The following ZC3H4 variants were observed in gnomAD, a reference collection of about 807,000 sequenced individuals.
ZC3H4 encodes the protein zinc finger CCCH domain-containing protein 4.
A neutral mutation model predicts 108.3 loss-of-function variants in ZC3H4; 13 were observed. That is an observed-to-expected ratio of 0.12 (90% CI 0.08 to 0.19). The LOEUF (loss-of-function observed/expected upper bound fraction) is 0.19. Among genes scored for constraint, ZC3H4 ranks in the 10% least tolerant of loss-of-function variants. The pLI is 1.00. For synonymous variants in ZC3H4, 917 were observed against 749.6 expected, an observed-to-expected ratio of 1.22 and a Z score of -3.65; for missense variants, 1,734 against 1,838.8, an observed-to-expected ratio of 0.94 and a Z score of 1.04.
intron 2 of ZC3H4, among the ~76,000 whole-genome samples, chr19:47,098,870 C>T (rs1372184375): frequency 6.6e-6 from 1 of 152,210 alleles, no homozygotes; most frequent in Non-Finnish European, 1.5e-5. Flanking sequence ...ATTCGGGCCT[C>T]ATGCTCCTTT....
intron 5 of ZC3H4, among the ~76,000 whole-genome samples, chr19:47,088,441 G>A (rs1275402786): frequency 3.3e-5 from 5 of 151,676 alleles, no homozygotes; most frequent in African/African-American, 2.4e-5. Flanking sequence ...CCAGCTACTT[G>A]GGAGGCTGAG....
chr19:47,100,407 T>A (rs2050279383), intron 2 of ZC3H4, among the ~76,000 whole-genome samples: 1 of 152,142 alleles, frequency 6.6e-6, no homozygotes, highest in African/African-American at 2.4e-5. Context: ...CATAGCCTGC[T>A]CTGTGACATC....
chr19:47,101,620 C>T (rs543305981), intron 2 of ZC3H4, among the ~76,000 whole-genome samples: 12 of 152,212 alleles, frequency 7.9e-5, no homozygotes, highest in African/African-American at 2.9e-4. Flanking sequence ...TGCCAGTAAT[C>T]CCAGCACTTT....
chr19:47,064,276 C>CA lies in ZC3H4; in HGVS notation c.*2079dup, dbSNP rs1197599158. The CA allele has an allele frequency of 6.6e-6, 1 of 152,564 alleles. No individual in the cohort carries two copies. Among genetic ancestry groups the CA allele is most frequent in the Non-Finnish European group, 1.5e-5 (1 of 68,036 alleles). The allele number at this position is 152,564 out of a possible 1,614,324, so 9.5% of individuals were successfully genotyped here. On this transcript the variant is annotated 3_prime_UTR_variant, in exon 15 of 15. Coordinates refer to ENST00000253048, the MANE Select transcript of ZC3H4 (RefSeq NM_015168.2). ...AAAGGCAGGTGACGTTTCTGGAAGA[C>CA]AGATATGGAGTATAAAAAGGGTGTG...
chr19:47,066,102 G>C lies in ZC3H4; in HGVS notation c.*254C>G, dbSNP rs990514036. 1.1e-5 allele frequency: 4 copies of C among 354,710 alleles called. No homozygotes were observed. The Admixed American group carries it at 1.7e-4, about 15-fold the overall frequency. The allele number at this position is 354,710 out of a possible 1,614,324, so 22.0% of individuals were successfully genotyped here. On this transcript the variant is annotated 3_prime_UTR_variant, in exon 15 of 15. Transcript: ENST00000253048. ...CTGGCGAAAGTTCACAGGTTTGCGG[G>C]CATGAGTCGGTTTGCTCAGCAGGAG... is the stretch of plus-strand genomic sequence containing the variant.
rs1416889687 is a variant in ZC3H4, at chr19:47,064,622, A to C, written c.*1734T>G. 6.6e-6 allele frequency: 1 copy of C among 152,008 alleles called. No homozygotes were observed. The highest frequency in any genetic ancestry group is 6.6e-5 in the Admixed American group (1 of 15,158). 9.4% of individuals were successfully genotyped at this position (152,008 alleles called of 1,614,324 possible). A position where few individuals can be genotyped will look rare whatever the true frequency, so the allele number is the denominator to read the frequency against. On this transcript the variant is annotated 3_prime_UTR_variant, in exon 15 of 15. Coordinates refer to ENST00000253048, the MANE Select transcript of ZC3H4 (RefSeq NM_015168.2). ...CAACAACAAAAACCACAACACTGCCACACTGTGTATTCATACTTATTTTAC... is the reference window on the plus strand; with the variant it reads ...CAACAACAAAAACCACAACACTGCCCCACTGTGTATTCATACTTATTTTAC...
intron 9 of ZC3H4, among the ~76,000 whole-genome samples, chr19:47,084,136 C>T (rs1487045096): frequency 6.6e-6 from 1 of 152,176 alleles, no homozygotes; most frequent in East Asian, 1.9e-4. Context: ...CAAAAGTCCT[C>T]ATCTTACTGG....
chr19:47,085,179 A>T lies in ZC3H4; in HGVS notation c.984T>A (p.Arg328=). The change falls in exon 8 of 15, where the codon CGT becomes CGA. Residue 328 remains arginine, a synonymous_variant. Coordinates refer to ENST00000253048, the MANE Select transcript of ZC3H4 (RefSeq NM_015168.2). ...DSRGRGLSRG[R]GRGSRGRGKG... The stretch of plus-strand genomic sequence containing the variant: ...TCCCTCGACCTCGGGAGCCCCTGCC[A>T]CGGCCTCGACTTAGCCCTGTGGAGG... The T allele has an allele frequency of 6.2e-7, 1 of 1,612,118 alleles. No homozygotes were observed. Among genetic ancestry groups the T allele is most frequent in the Non-Finnish European group, 8.5e-7 (1 of 1,179,566 alleles).
intron 5 of ZC3H4, among the ~76,000 whole-genome samples, chr19:47,089,011 G>A (rs1332075737): frequency 1.3e-5 from 2 of 151,768 alleles, no homozygotes; most frequent in East Asian, 3.9e-4. Context: ...ATCGAGACCA[G>A]CCTGACCAAC....
Position 47,069,217 on chromosome 19 carries a change from A to G in ZC3H4, c.2273T>C (p.Val758Ala), listed in dbSNP as rs1415724462. 1 of 1,612,868 alleles carries G rather than the reference A, an allele frequency of 6.2e-7. No homozygotes were observed. The highest frequency in any genetic ancestry group is 8.5e-7 in the Non-Finnish European group (1 of 1,179,936). The change falls in exon 14 of 15, where the codon GTC becomes GCC. Residue 758 changes from valine (V) to alanine (A), a missense_variant. Val to Ala is a moderately conservative substitution (Grantham distance 64). Coordinates refer to ENST00000253048, the MANE Select transcript of ZC3H4 (RefSeq NM_015168.2). ...PPGRPKPGAG[V>A]PDFLPSAQRA... ...CTGGGCTGAGGGCAGGAAGTCAGGG[A>G]CACCGGCGCCTGGCTTCGGCCGGCC... is the stretch of plus-strand genomic sequence containing the variant.
chr19:47,093,933 C>G (rs374700746), intron 4 of ZC3H4, 37 bp downstream of exon 4: 4 of 1,570,214 alleles, frequency 2.5e-6, no homozygotes, highest in Non-Finnish European at 3.5e-6. Flanking sequence ...GAACTCCTCC[C>G]GGCCCCAGAG....
rs1420061654 is a variant in ZC3H4, at chr19:47,066,429, C to A, written c.3839G>T (p.Gly1280Val). The stretch of plus-strand genomic sequence containing the variant: ...CTTCAGGGATGCCGCATCCTGCTCA[C>A]CCTCGCGGGCCGGACTGTTCCCAGC... ...PFAGNSPARE[G>V]EQDAASLKDV... Residue 1280 changes from glycine (G) to valine (V), a missense_variant, in exon 15 of 15, where the codon GGT becomes GTT. Gly to Val is a moderately radical substitution (Grantham distance 109). This residue lies in a region of ZC3H4 where 518 missense variants were observed against 499.6 expected (regional missense o/e 1.04). Transcript: ENST00000253048. The A allele has an allele frequency of 1.3e-6, 2 of 1,570,098 alleles. No individual in the cohort carries two copies. The highest frequency in any genetic ancestry group is 1.7e-6 in the Non-Finnish European group (2 of 1,160,348).
chr19:47,100,833 G>C (rs1312272286), intron 2 of ZC3H4, among the ~76,000 whole-genome samples: 1 of 151,916 alleles, frequency 6.6e-6, no homozygotes, highest in Non-Finnish European at 1.5e-5. Flanking sequence ...TGAGTACTGG[G>C]ATTACTGACA....
Position 47,069,238 on chromosome 19 carries a change from C to T in ZC3H4, c.2252G>A (p.Arg751Gln), listed in dbSNP as rs372785889. The stretch of plus-strand genomic sequence containing the variant: ...AGGGACACCGGCGCCTGGCTTCGGC[C>T]GGCCTGGGGGCCCTCCCTCAGAGAA... The part of the protein sequence containing the change: ...DSFSEGGPPG[R>Q]PKPGAGVPDF... Residue 751 changes from arginine to glutamine, a missense_variant, in exon 14 of 15, where the codon CGG becomes CAG. Arg to Gln is a conservative substitution (Grantham distance 43, BLOSUM62 1). Transcript: ENST00000253048. 39 of 1,613,508 alleles carry T rather than the reference C, an allele frequency of 2.4e-5. No individual in the cohort carries two copies. Among genetic ancestry groups the T allele is most frequent in the Middle Eastern group, 1.6e-4 (1 of 6,084 alleles).
Position 47,066,438 on chromosome 19 carries a change from G to A in ZC3H4, c.3830C>T (p.Ala1277Val), listed in dbSNP as rs1311696167. The A allele has an allele frequency of 3.8e-6, 6 of 1,575,668 alleles. No homozygotes were observed. The African/African-American group carries it at 8.1e-5, about 21-fold the overall frequency. The change falls in exon 15 of 15, where the codon GCC (alanine) becomes GTC (valine). Residue 1277 changes from alanine to valine, a missense_variant. By Grantham distance (64) the Ala-to-Val change is moderately conservative. Transcript: ENST00000253048. ...TGCCGCATCCTGCTCACCCTCGCGGGCCGGACTGTTCCCAGCAAATGGGCT... is the reference window on the plus strand; with the variant it reads ...TGCCGCATCCTGCTCACCCTCGCGGACCGGACTGTTCCCAGCAAATGGGCT... ...SGSPFAGNSP[A>V]REGEQDAASL... is the part of the protein sequence containing the mutation.
intron 2 of ZC3H4, among the ~76,000 whole-genome samples, chr19:47,097,477 G>A (rs561080555): frequency 6.9e-4 from 105 of 152,270 alleles, no homozygotes; most frequent in African/African-American, 2.4e-3. Context: ...CCCCCCTCAC[G>A]ACACCCAAGA....
chr19:47,068,807 C>G (rs755511410), intron 14 of ZC3H4, among the ~76,000 whole-genome samples: 36 of 152,346 alleles, frequency 2.4e-4, no homozygotes, highest in Non-Finnish European at 4.3e-4. Flanking sequence ...TGGCAGGGCA[C>G]AGGCGGTCAA....
At chr19:47,075,042 AC>A (rs777017181) in intron 11 of ZC3H4, among the ~76,000 whole-genome samples, 2 of 152,158 alleles carry the variant, frequency 1.3e-5, no homozygotes, top group African/African-American at 2.4e-5. Flanking sequence ...AGCAAGGCGG[AC>A]AGAAACAGGA....
chr19:47,099,203 T>C (rs367607299), intron 2 of ZC3H4, among the ~76,000 whole-genome samples: 6 of 152,218 alleles, frequency 3.9e-5, no homozygotes, highest in African/African-American at 4.8e-5. Flanking sequence ...CTCACGTCTG[T>C]AATCCCAGCA....
Sources: allele counts gnomAD v4.1 joint callset (sites outside exome capture counted in the v4.1 genomes callset), GRCh38; gene constraint gnomAD v4.1.1; regional missense constraint gnomAD v4.1.1; transcripts MANE v1.5; gene names NCBI Gene and HGNC (gene_info 2026-07-23, HGNC 2026-07-21).